The following LMF1 variants were observed in gnomAD, a reference collection of about 807,000 sequenced individuals.
LMF1 encodes the protein transmembrane protein 112.
LMF1 carries 68 observed loss-of-function variants against 60.6 expected under a neutral mutation model. The ratio of observed to expected loss-of-function variants is 1.12; its 90% CI spans 0.92 to 1.37. LMF1 has a LOEUF of 1.37. Among genes scored for constraint, LMF1 ranks in the 40% most tolerant of loss-of-function variants. LMF1 has a pLI of 0.00. For synonymous variants in LMF1, 418 were observed against 324.7 expected, an observed-to-expected ratio of 1.29 and a Z score of -3.09; for missense variants, 948 against 767.2, an observed-to-expected ratio of 1.24 and a Z score of -2.78.
At chr16:954,710 C>T (rs1442114593) in intron 1 of LMF1, 44 bp from the exon 2 acceptor site, 2 of 1,520,656 alleles carry the variant, frequency 1.3e-6, no homozygotes, top group South Asian at 1.3e-5. Flanking sequence ...AGGAACAAAC[C>T]ACATGTGGAC....
intron 1 of LMF1, chr16:979,183 TCCGTCCCGG>T (rs1452546736): frequency 7.1e-5 from 31 of 435,480 alleles, no homozygotes; most frequent in South Asian, 4.5e-4. Flanking sequence ...CTCTGAAAGC[TCCGTCCCGG>T]CGTCCTCTCA....
At chr16:950,914 G>A (rs1457893558) in intron 2 of LMF1, among the ~76,000 whole-genome samples, 8 of 150,052 alleles carry the variant, frequency 5.3e-5, no homozygotes, top group African/African-American at 1.7e-4. Context: ...GCCAACGACA[G>A]AGTCAGCCAA....
chr16:956,844 CA>C lies in LMF1; in HGVS notation c.194-2179del, dbSNP rs34529324. ...GGACGACAAGAGCAAAACTCCATCT[CA>C]AAAAAAAAAAAAAAAAGTAGATTTA... On this transcript the variant is annotated intron_variant, in intron 1 of 10. Transcript: ENST00000262301. 5.8e-3 allele frequency among the ~76,000 whole-genome samples: 697 copies of C among 119,456 alleles called. 10 individuals carry two copies. Among genetic ancestry groups the C allele is most frequent in the African/African-American group, 0.017 (570 of 32,728 alleles). 78.4% of individuals were successfully genotyped at this position (119,456 alleles called of 152,430 possible).
At chr16:952,414 C>T (rs1360742738) in intron 2 of LMF1, among the ~76,000 whole-genome samples, 1 of 152,100 alleles carries the variant, frequency 6.6e-6, no homozygotes, top group African/African-American at 2.4e-5. Flanking sequence ...GAGCCTCCGA[C>T]CAGGGAACAC....
At chr16:910,161 C>T (rs540941331) in intron 4 of LMF1, among the ~76,000 whole-genome samples, 4 of 152,350 alleles carry the variant, frequency 2.6e-5, no homozygotes, top group East Asian at 3.9e-4. Context: ...AGGACCACGT[C>T]GCTCCTGCTT....
intron 6 of LMF1, 75 bp downstream of exon 6, chr16:879,495 A>T: frequency 6.5e-7 from 1 of 1,535,498 alleles, no homozygotes; most frequent in South Asian, 1.2e-5. Context: ...CCTCCCAGAG[A>T]GCGGGGCAGC....
chr16:928,997 T>G (rs921789215), intron 3 of LMF1, among the ~76,000 whole-genome samples: 5 of 152,180 alleles, frequency 3.3e-5, no homozygotes, highest in Non-Finnish European at 7.4e-5. Flanking sequence ...GAGGAAGCCC[T>G]GCCCTGGCGC....
At chr16:885,480 C>T (rs4984956) in intron 5 of LMF1, among the ~76,000 whole-genome samples, 9,359 of 151,940 alleles carry the variant, frequency 0.062, 709 homozygotes, top group Admixed American at 0.17. Flanking sequence ...CCCAAGCATA[C>T]GCCAGCTCTA....
At chr16:909,976 C>A (rs555329103) in intron 4 of LMF1, among the ~76,000 whole-genome samples, 1 of 152,330 alleles carries the variant, frequency 6.6e-6, no homozygotes, top group East Asian at 1.9e-4. Context: ...GAATCCTCCA[C>A]GAAACACTTA....
chr16:857,133 G>A (rs940720492), intron 10 of LMF1, among the ~76,000 whole-genome samples: 5 of 151,798 alleles, frequency 3.3e-5, no homozygotes, highest in Non-Finnish European at 7.3e-5. Flanking sequence ...CGTCTGCGGC[G>A]TGAGTGCACC....
intron 3 of LMF1, chr16:921,018 C>G (rs563865575): frequency 1.3e-5 from 2 of 152,338 alleles, no homozygotes; most frequent in African/African-American, 4.8e-5. Context: ...AGAGCAGGCT[C>G]GTGAGCTGGC....
At position 970,923 on chromosome 16, in the gene LMF1, T is replaced by C. The variant is rs1241061126; in HGVS notation, c.58A>G (p.Thr20Ala). ...APAESLRRRK[T>A]GYSDPEPESP... Reference sequence around the variant, plus strand: ...TCAGGCTCCGGATCCGAGTACCCAGTCTTCCGCCTCCTCAGCGACTCCGCG... The same window carrying C: ...TCAGGCTCCGGATCCGAGTACCCAGCCTTCCGCCTCCTCAGCGACTCCGCG... Residue 20 changes from threonine (T) to alanine (A), a missense_variant, in exon 1 of 11, where the codon ACT becomes GCT. Thr to Ala is a moderately conservative substitution (Grantham distance 58). Coordinates refer to ENST00000262301, the MANE Select transcript of LMF1 (RefSeq NM_022773.4). 1.3e-6 allele frequency: 2 copies of C among 1,571,906 alleles called. No homozygotes were observed. The highest frequency in any genetic ancestry group is 1.8e-5 in the Admixed American group (1 of 57,124).
chr16:894,704 G>C (rs530191944), intron 4 of LMF1, among the ~76,000 whole-genome samples: 1 of 152,354 alleles, frequency 6.6e-6, no homozygotes, highest in South Asian at 2.1e-4. Context: ...CTGGGCTGCA[G>C]GTAGCGCTGT....
chr16:890,915 C>T lies in LMF1; in HGVS notation c.729+2092G>A, dbSNP rs377254554. Reference sequence around the variant, plus strand: ...GACATCCAGGGCCATCCCTCTGGCCCGGGCTGCCCCTGCCTGTGTGCTCCA... The same window carrying T: ...GACATCCAGGGCCATCCCTCTGGCCTGGGCTGCCCCTGCCTGTGTGCTCCA... On this transcript the variant is annotated intron_variant, in intron 5 of 10. Transcript: ENST00000262301. Among the ~76,000 whole-genome samples, 7 of 152,210 alleles carry T rather than the reference C, an allele frequency of 4.6e-5. 1 individual carries two copies. Among genetic ancestry groups the T allele is most frequent in the South Asian group, 4.1e-4 (2 of 4,830 alleles).
intron 10 of LMF1, among the ~76,000 whole-genome samples, chr16:864,604 C>T (rs2069560647): frequency 6.6e-6 from 1 of 151,692 alleles, no homozygotes; most frequent in Non-Finnish European, 1.5e-5. Flanking sequence ...CTTACATTTT[C>T]AACTTATGCT....
intron 5 of LMF1, among the ~76,000 whole-genome samples, chr16:887,930 T>C (rs1422269614): frequency 1.3e-5 from 2 of 152,170 alleles, no homozygotes; most frequent in African/African-American, 2.4e-5. Flanking sequence ...TCCAGGAGCG[T>C]AGGTGGCCCC....
At chr16:976,769 G>A (rs576105237) in intron 1 of LMF1, 5 of 454,172 alleles carry the variant, frequency 1.1e-5, no homozygotes, top group African/African-American at 4.0e-5. Context: ...CCGTGATCTG[G>A]GCGTGCACCT....
In LMF1 at chr16:871,257, G is replaced by A. The variant is rs757721005; in HGVS notation, c.982C>T (p.Leu328=). The part of the protein sequence containing the change: ...PSLACFDDAT[L]GFLFPSGPGS... Reference sequence around the variant, plus strand: ...GGCCCAGAGGGGAACAAGAATCCCAGGGTGGCGTCATCAAAGCAGGCCAGG... The same window carrying A: ...GGCCCAGAGGGGAACAAGAATCCCAAGGTGGCGTCATCAAAGCAGGCCAGG... The change falls in exon 7 of 11, where the codon CTG becomes TTG. Residue 328 remains leucine (L), a synonymous_variant. Transcript: ENST00000262301. 5 of 1,612,548 alleles carry A rather than the reference G, an allele frequency of 3.1e-6. No individual in the cohort carries two copies. The highest frequency in any genetic ancestry group is 2.2e-5 in the South Asian group (2 of 90,982).
chr16:952,342 G>C (rs1007297131), intron 2 of LMF1, among the ~76,000 whole-genome samples: 2 of 151,436 alleles, frequency 1.3e-5, no homozygotes. Flanking sequence ...GCCAGCTGCA[G>C]CCCTCCCTGC....
Sources: allele counts gnomAD v4.1 joint callset (sites outside exome capture counted in the v4.1 genomes callset), GRCh38; gene constraint gnomAD v4.1.1; transcripts MANE v1.5; gene names NCBI Gene and HGNC (gene_info 2026-07-23, HGNC 2026-07-21).